The following RHOT1 variants were observed in gnomAD, a reference collection of about 807,000 sequenced individuals.
RHOT1 encodes ras homolog family member T1, also known as mitochondrial Rho GTPase 1.
RHOT1 carries 27 observed loss-of-function variants against 95.3 expected under a neutral mutation model. The observed-to-expected ratio is 0.28, with a 90% confidence interval of 0.21 to 0.39. RHOT1 has a LOEUF of 0.39. Ranked by LOEUF, RHOT1 falls within the 10% of genes least tolerant of loss-of-function variation. The pLI is 1.00. For synonymous variants in RHOT1, 227 were observed against 263.5 expected (o/e 0.86, Z 1.34); for missense variants, 578 against 786.7 (o/e 0.73, Z 3.17).
intron 1 of RHOT1, chr17:32,151,055 G>A: frequency 7.4e-7 from 1 of 1,352,014 alleles, no homozygotes; most frequent in Non-Finnish European, 1.0e-6. Context: ...TCTGTTCTTG[G>A]AGAAGGCATT....
chr17:32,224,704 A>G lies in RHOT1; in HGVS notation c.1951A>G (p.Met651Val). The change falls in exon 20 of 20, where the codon ATG (methionine) becomes GTG (valine). Residue 651 changes from methionine (M) to valine (V), a missense_variant. Physicochemically the swap from Met to Val is conservative, Grantham distance 21. Transcript: ENST00000545287. Reference protein sequence around the residue: ...ATVFAVLGFAMYKALLKQR With the variant: ...ATVFAVLGFAVYKALLKQR ...TGTTTTTGCAGTTTTGGGCTTTGCTATGTACAAAGCATTATTGAAACAGCG... is the reference window on the plus strand; with the variant it reads ...TGTTTTTGCAGTTTTGGGCTTTGCTGTGTACAAAGCATTATTGAAACAGCG... 1.2e-6 allele frequency: 2 copies of G among 1,612,482 alleles called. No homozygotes were observed. Among genetic ancestry groups the G allele is most frequent in the Non-Finnish European group, 1.7e-6 (2 of 1,178,798 alleles).
chr17:32,159,673 A>T (rs2033349161), intron 1 of RHOT1: 1 of 152,692 alleles, frequency 6.5e-6, no homozygotes, highest in African/African-American at 2.4e-5. Flanking sequence ...TGCTTGGGAC[A>T]GTGGTGACAT....
chr17:32,166,637 T>C (rs1202141902), intron 1 of RHOT1, among the ~76,000 whole-genome samples: 1 of 152,214 alleles, frequency 6.6e-6, no homozygotes, highest in Non-Finnish European at 1.5e-5. Flanking sequence ...TCAATATTGC[T>C]CACAGCATCT....
intron 2 of RHOT1, 103 bp from the exon 3 acceptor site, chr17:32,173,728 A>T: frequency 1.2e-6 from 1 of 812,062 alleles, no homozygotes; most frequent in Non-Finnish European, 2.0e-6. Context: ...AAAAAAGAAA[A>T]GAAACACTCA....
intron 9 of RHOT1, among the ~76,000 whole-genome samples, chr17:32,192,679 T>G (rs184188708): frequency 1.8e-3 from 272 of 150,026 alleles, no homozygotes; most frequent in African/African-American, 3.8e-3. Context: ...TTTTTTTTTT[T>G]TTTTGTTTTT....
intron 1 of RHOT1, among the ~76,000 whole-genome samples, chr17:32,165,200 G>A (rs1179074255): frequency 2.0e-5 from 3 of 151,672 alleles, no homozygotes; most frequent in Admixed American, 6.6e-5. Context: ...AGCTGGGCAC[G>A]GTGGCAGGTG....
At chr17:32,164,081 G>A (rs919540560) in intron 1 of RHOT1, among the ~76,000 whole-genome samples, 2 of 152,260 alleles carry the variant, frequency 1.3e-5, no homozygotes, top group African/African-American at 4.8e-5. Flanking sequence ...CTTGAATCCA[G>A]GAGGCGGAGG....
intron 1 of RHOT1, chr17:32,151,133 G>T: frequency 1.2e-6 from 1 of 839,532 alleles, no homozygotes; most frequent in South Asian, 1.3e-5. Flanking sequence ...CCATGACACT[G>T]GGTTCTTTAC....
chr17:32,165,492 C>T (rs1191484528), intron 1 of RHOT1, among the ~76,000 whole-genome samples: 2 of 151,414 alleles, frequency 1.3e-5, no homozygotes, highest in Admixed American at 6.6e-5. Flanking sequence ...CACTGCACTC[C>T]AGCCTGAGTG....
chr17:32,200,146 G>A (rs2037203942), intron 13 of RHOT1, among the ~76,000 whole-genome samples: 1 of 151,886 alleles, frequency 6.6e-6, no homozygotes, highest in Non-Finnish European at 1.5e-5. Context: ...TAAATAATGT[G>A]TCACAATATG....
chr17:32,165,011 CAAAACAA>C (rs948634549), intron 1 of RHOT1, among the ~76,000 whole-genome samples: 138 of 151,404 alleles, frequency 9.1e-4, no homozygotes, highest in African/African-American at 3.1e-3. Flanking sequence ...ACAACAACAG[CAAAACAA>C]AAAACAAAAA....
rs1485783313 is a variant in RHOT1 at position 32,183,195 on chromosome 17, A to G, written c.463A>G (p.Ile155Val). 4 of 1,578,374 alleles carry G rather than the reference A, an allele frequency of 2.5e-6. No homozygotes were observed. Among genetic ancestry groups the G allele is most frequent in the Admixed American group, 1.7e-5 (1 of 57,210 alleles). The change falls in exon 8 of 20, where the codon ATA becomes GTA. Residue 155 changes from isoleucine to valine, a missense_variant. By Grantham distance (29) the Ile-to-Val change is conservative (BLOSUM62 3). This residue lies in a region of RHOT1 where 227 missense variants were observed against 316.0 expected (regional missense o/e 0.72). Coordinates refer to ENST00000545287, the MANE Select transcript of RHOT1 (RefSeq NM_001033566.3). ...VECSAKNLKN[I>V]SELFYYAQKA... is the part of the protein sequence containing the mutation. ...GTGTTCAGCGAAAAACCTGAAGAAC[A>G]TATCAGAGCTCTTTTATTACGCACA...
chr17:32,205,582 TCAAA>T (rs2037656345), intron 16 of RHOT1, among the ~76,000 whole-genome samples: 1 of 151,878 alleles, frequency 6.6e-6, no homozygotes, highest in South Asian at 2.1e-4. Flanking sequence ...AGCAATAAAA[TCAAA>T]CAAACAATAA....
chr17:32,142,722 G>C lies in RHOT1; in HGVS notation c.30G>C (p.Val10=). The change falls in exon 1 of 20, where the codon GTG becomes GTC. Residue 10 remains valine (V), a synonymous_variant. Coordinates refer to ENST00000545287, the MANE Select transcript of RHOT1 (RefSeq NM_001033566.3). MKKDVRILL[V]GEPRVGKTSL... The stretch of plus-strand genomic sequence containing the variant: ...AGAAAGACGTGCGGATCCTGCTGGT[G>C]GGAGAACGTGAGTCCGCACCCTCTG... 1 of 1,522,396 alleles carries C rather than the reference G, an allele frequency of 6.6e-7. No individual in the cohort carries two copies. The highest frequency in any genetic ancestry group is 8.8e-7 in the Non-Finnish European group (1 of 1,136,364). The allele number at this position is 1,522,396 out of a possible 1,614,324, so 94.3% of individuals were successfully genotyped here.
At chr17:32,195,148 A>G (rs1404887398) in intron 11 of RHOT1, among the ~76,000 whole-genome samples, 3 of 150,844 alleles carry the variant, frequency 2.0e-5, no homozygotes, top group African/African-American at 4.9e-5. Context: ...CCTAAGAGAC[A>G]AGGTCTCATT....
At chr17:32,162,369 CTA>C (rs978773305) in intron 1 of RHOT1, among the ~76,000 whole-genome samples, 1 of 152,138 alleles carries the variant, frequency 6.6e-6, no homozygotes, top group Non-Finnish European at 1.5e-5. Flanking sequence ...CAGATGTATT[CTA>C]TGTTATATCA....
intron 8 of RHOT1, among the ~76,000 whole-genome samples, chr17:32,189,631 A>C (rs1367132594): frequency 6.6e-6 from 1 of 152,040 alleles, no homozygotes; most frequent in African/African-American, 2.4e-5. Flanking sequence ...GAGAGGTAAA[A>C]TTTTCAACTT....
Position 32,199,467 on chromosome 17 carries a change from A to G in RHOT1, c.1017A>G (p.Ile339Met). 6.2e-7 allele frequency: 1 copy of G among 1,613,288 alleles called. No individual in the cohort carries two copies. Among genetic ancestry groups the G allele is most frequent in the Non-Finnish European group, 8.5e-7 (1 of 1,179,618 alleles). Reference sequence around the variant, plus strand: ...ATTTATTTAAAGTTTTCCCTTACATACCTTGGGGGCCAGATGTGAATAACA... The same window carrying G: ...ATTTATTTAAAGTTTTCCCTTACATGCCTTGGGGGCCAGATGTGAATAACA... ...LKDLFKVFPY[I>M]PWGPDVNNTV... The change falls in exon 13 of 20, where the codon ATA becomes ATG. Residue 339 changes from isoleucine to methionine, a missense_variant. Ile to Met is a conservative substitution (Grantham distance 10, BLOSUM62 1). Transcript: ENST00000545287.
intron 10 of RHOT1, 118 bp downstream of exon 10, chr17:32,193,362 C>A (rs986313671): frequency 2.0e-5 from 14 of 686,324 alleles, no homozygotes; most frequent in Non-Finnish European, 3.3e-5. Flanking sequence ...TACTAGTATG[C>A]CTAAAGTCTG....
Sources: gnomAD v4.1 joint callset for allele counts (sites outside exome capture counted in the v4.1 genomes callset) on GRCh38, gnomAD v4.1.1 for gene constraint, gnomAD v4.1.1 regional missense constraint, MANE v1.5 for transcripts, NCBI Gene and HGNC (gene_info 2026-07-23, HGNC 2026-07-21) for gene names.